STXBP6: variants seen among roughly 807,000 people sequenced by gnomAD.
STXBP6 encodes the protein syntaxin binding protein 6, also known as syntaxin-binding protein 6.
A neutral mutation model predicts 26.9 loss-of-function variants in STXBP6; 21 were observed. The ratio of observed to expected loss-of-function variants is 0.78; its 90% CI spans 0.55 to 1.12. The LOEUF is 1.12. STXBP6 is among the 50% of genes most tolerant of loss of function. The pLI is 0.00. For synonymous variants in STXBP6, 97 were observed against 92.6 expected (o/e 1.05, Z -0.27); for missense variants, 232 against 257.9 (o/e 0.90, Z 0.69).
intron 2 of STXBP6, among the ~76,000 whole-genome samples, chr14:24,906,732 T>C (rs369489904): frequency 1.3e-5 from 2 of 152,172 alleles, no homozygotes; most frequent in Non-Finnish European, 1.5e-5. Context: ...CTAAGTCAAA[T>C]TTCTAAGCTG....
intron 2 of STXBP6, among the ~76,000 whole-genome samples, chr14:24,892,271 G>C (rs991276986): frequency 6.6e-6 from 1 of 151,942 alleles, no homozygotes; most frequent in African/African-American, 2.4e-5. Flanking sequence ...GGAGGAAAGT[G>C]GGGGGAAAAG....
intron 1 of STXBP6, among the ~76,000 whole-genome samples, chr14:25,023,633 A>C (rs904273607): frequency 3.9e-5 from 6 of 151,930 alleles, no homozygotes; most frequent in African/African-American, 1.5e-4. Flanking sequence ...ACATAGCAAG[A>C]CCCCGTTTCT....
At chr14:24,891,875 T>C (rs1220588556) in intron 2 of STXBP6, among the ~76,000 whole-genome samples, 3 of 152,182 alleles carry the variant, frequency 2.0e-5, no homozygotes, top group African/African-American at 4.8e-5. Flanking sequence ...GTGCAGAACA[T>C]TTCCTCTTCC....
intron 2 of STXBP6, among the ~76,000 whole-genome samples, chr14:24,924,143 T>C (rs1050621040): frequency 6.6e-6 from 1 of 152,210 alleles, no homozygotes; most frequent in Non-Finnish European, 1.5e-5. Flanking sequence ...TTGAATATCA[T>C]GATTCCAGTT....
chr14:24,835,715 A>G (rs906489652), intron 4 of STXBP6, among the ~76,000 whole-genome samples: 6 of 152,216 alleles, frequency 3.9e-5, no homozygotes, highest in African/African-American at 1.4e-4. Flanking sequence ...TGTGGTTTGG[A>G]ATAAACAAAG....
chr14:24,967,404 C>T (rs1371868543), intron 2 of STXBP6, among the ~76,000 whole-genome samples: 1 of 152,136 alleles, frequency 6.6e-6, no homozygotes. Context: ...TACCTGGTGG[C>T]CAAACCTACT....
intron 2 of STXBP6, among the ~76,000 whole-genome samples, chr14:24,953,447 TC>T (rs931602621): frequency 6.6e-6 from 1 of 152,170 alleles, no homozygotes; most frequent in African/African-American, 2.4e-5. Flanking sequence ...TTCTTTGTGT[TC>T]CTCCAAGTTG....
At chr14:24,950,339 C>T (rs1045608267) in intron 2 of STXBP6, among the ~76,000 whole-genome samples, 1 of 151,938 alleles carries the variant, frequency 6.6e-6, no homozygotes, top group Non-Finnish European at 1.5e-5. Context: ...GGTATATACC[C>T]AACAGAAATA....
At chr14:25,005,274 G>A (rs1485774047) in intron 1 of STXBP6, among the ~76,000 whole-genome samples, 1 of 152,108 alleles carries the variant, frequency 6.6e-6, no homozygotes, top group East Asian at 1.9e-4. Flanking sequence ...AAACACTCAA[G>A]TATGCTAACA....
chr14:24,839,401 C>G (rs1036943284), intron 4 of STXBP6, among the ~76,000 whole-genome samples: 1 of 152,050 alleles, frequency 6.6e-6, no homozygotes, highest in African/African-American at 2.4e-5. Context: ...AAGGACTAAC[C>G]ATAAGCAAAA....
At chr14:24,959,240 G>A (rs1191025635) in intron 2 of STXBP6, among the ~76,000 whole-genome samples, 1 of 152,174 alleles carries the variant, frequency 6.6e-6, no homozygotes, top group Admixed American at 6.5e-5. Context: ...GTCGCTCTGA[G>A]GAACTGTGTT....
chr14:24,997,480 ATCAGTACCCATGGATACTACTGTATG>A (rs1465871621), intron 1 of STXBP6, among the ~76,000 whole-genome samples: 1 of 152,184 alleles, frequency 6.6e-6, no homozygotes, highest in Non-Finnish European at 1.5e-5. Flanking sequence ...TGCAACTTCT[ATCAGTACCCATGGATACTACTGTATG>A]TATTTGTTTC....
In STXBP6 at chr14:24,812,543, C is replaced by T. The variant is rs970300343; in HGVS notation, c.*166G>A. The T allele has an allele frequency of 2.2e-5, 14 of 633,284 alleles. No individual in the cohort carries two copies. Among genetic ancestry groups the T allele is most frequent in the Non-Finnish European group, 3.6e-5 (13 of 366,088 alleles). The allele number at this position is 633,284 out of a possible 1,614,324, so 39.2% of individuals were successfully genotyped here. ...AGATCATTAGGGAAATGTAAAAATG[C>T]AACACCCTTTCTTTCACATTAACAT... On this transcript the variant is annotated 3_prime_UTR_variant, in exon 6 of 6. Transcript: ENST00000323944.
intron 2 of STXBP6, among the ~76,000 whole-genome samples, chr14:24,887,811 G>A (rs2139494895): frequency 6.6e-6 from 1 of 152,318 alleles, no homozygotes; most frequent in African/African-American, 2.4e-5. Context: ...TTCCCACTAA[G>A]TATCGTCAAG....
intron 2 of STXBP6, among the ~76,000 whole-genome samples, chr14:24,933,884 T>TA (rs2072508840): frequency 1.3e-5 from 2 of 152,182 alleles, no homozygotes; most frequent in African/African-American, 2.4e-5. Flanking sequence ...TACTTCTATG[T>TA]AAAAACTCTT....
chr14:24,977,214 T>C lies in STXBP6; in HGVS notation c.-32-2364A>G, dbSNP rs139117410. Among the ~76,000 whole-genome samples the C allele has an allele frequency of 1.7e-3, 265 of 152,046 alleles. 2 individuals carry two copies. Among genetic ancestry groups the C allele is most frequent in the African/African-American group, 6.2e-3 (256 of 41,448 alleles). ...CTTCCCAGCTGTCATGGCTTTTGCT[T>C]TTTCATCTCAGGTCCACAGTTTTCA... On this transcript the variant is annotated intron_variant, in intron 1 of 5. Transcript: ENST00000323944.
rs1047883645 is a variant in STXBP6, at chr14:24,904,113, C to T, written c.155-46956G>A. Among the ~76,000 whole-genome samples, 6 of 152,186 alleles carry T rather than the reference C, an allele frequency of 3.9e-5. No individual in the cohort carries two copies. The East Asian group carries it at 1.2e-3, about 29-fold the overall frequency. On this transcript the variant is annotated intron_variant, in intron 2 of 5. Transcript: ENST00000323944. The stretch of plus-strand genomic sequence containing the variant: ...GATGTCAGAGGTTTGGCATCAGGAA[C>T]ATCGCTCTTGTGAGTGGCCTTGTCA...
intron 1 of STXBP6, among the ~76,000 whole-genome samples, chr14:25,019,210 G>A (rs115043201): frequency 1.6e-4 from 24 of 152,306 alleles, no homozygotes; most frequent in African/African-American, 5.5e-4. Flanking sequence ...GACAATTGAA[G>A]CAATCCTTAA....
intron 2 of STXBP6, among the ~76,000 whole-genome samples, chr14:24,935,861 A>G (rs1027504411): frequency 6.6e-6 from 1 of 152,210 alleles, no homozygotes; most frequent in Non-Finnish European, 1.5e-5. Flanking sequence ...ATGAACACAT[A>G]CTAACAACTT....
Sources: allele counts gnomAD v4.1 joint callset (sites outside exome capture counted in the v4.1 genomes callset), GRCh38; gene constraint gnomAD v4.1.1; transcripts MANE v1.5; gene names NCBI Gene and HGNC (gene_info 2026-07-23, HGNC 2026-07-21).